GFRAL: variants seen among roughly 807,000 people sequenced by gnomAD.
The protein encoded by GFRAL is GDNF family receptor alpha-like.
GFRAL carries 36 observed loss-of-function variants against 45.4 expected under a neutral mutation model. That is an observed-to-expected ratio of 0.79 (90% CI 0.61 to 1.05). GFRAL has a LOEUF of 1.05. GFRAL is among the 50% of genes least tolerant of loss of function. The pLI is 0.00. For missense variants in GFRAL, 507 were observed against 467.5 expected, an observed-to-expected ratio of 1.08 and a Z score of -0.78; for synonymous variants, 166 against 154.1, an observed-to-expected ratio of 1.08 and a Z score of -0.57.
intron 6 of GFRAL, among the ~76,000 whole-genome samples, chr6:55,367,649 T>C (rs1768383683): frequency 6.6e-6 from 1 of 150,914 alleles, no homozygotes; most frequent in South Asian, 2.1e-4. Flanking sequence ...GGTGACAAAA[T>C]CTCTCAGCAT....
intron 5 of GFRAL, 32 bp from the exon 6 acceptor site, chr6:55,358,844 TAACACTATTCAA>T: frequency 6.3e-7 from 1 of 1,577,954 alleles, no homozygotes; most frequent in Non-Finnish European, 8.7e-7. Flanking sequence ...TAATGTGAAA[TAACACTATTCAA>T]AACTAATTAT....
intron 6 of GFRAL, among the ~76,000 whole-genome samples, chr6:55,377,773 T>C (rs1027958360): frequency 1.2e-4 from 18 of 152,018 alleles, no homozygotes; most frequent in Admixed American, 4.6e-4. Context: ...TATAGATAGA[T>C]ACTGAAAGAT....
chr6:55,378,408 T>C (rs1180819856), intron 6 of GFRAL, among the ~76,000 whole-genome samples: 1 of 152,012 alleles, frequency 6.6e-6, no homozygotes, highest in Non-Finnish European at 1.5e-5. Flanking sequence ...AGGTATCAGT[T>C]GTTGCTGGAA....
intron 6 of GFRAL, among the ~76,000 whole-genome samples, chr6:55,382,023 C>G (rs896404166): frequency 1.3e-5 from 2 of 151,880 alleles, no homozygotes; most frequent in Non-Finnish European, 2.9e-5. Flanking sequence ...ACACAAAACT[C>G]TAATTCAAGT....
intron 7 of GFRAL, 40 bp downstream of exon 7, chr6:55,399,315 T>C: frequency 6.6e-7 from 1 of 1,511,224 alleles, no homozygotes; most frequent in Non-Finnish European, 9.1e-7. Context: ...TTATATTATT[T>C]ATTTCCTCTA....
chr6:55,353,637 C>G (rs2127355904), intron 5 of GFRAL, among the ~76,000 whole-genome samples: 1 of 152,154 alleles, frequency 6.6e-6, no homozygotes, highest in African/African-American at 2.4e-5. Context: ...TTTATCATCT[C>G]AAAAATCCTT....
Position 55,351,595 on chromosome 6 carries a change from C to T in GFRAL, c.701+12C>T, listed in dbSNP as rs1176657039. The T allele has an allele frequency of 6.3e-7, 1 of 1,575,048 alleles. No individual in the cohort carries two copies. Among genetic ancestry groups the T allele is most frequent in the Non-Finnish European group, 8.7e-7 (1 of 1,152,084 alleles). On this transcript the variant is annotated intron_variant, in intron 5 of 8. Coordinates refer to ENST00000340465, the MANE Select transcript of GFRAL (RefSeq NM_207410.2). The stretch of plus-strand genomic sequence containing the variant: ...GATGAATTATGCAGGTGGGTAAAAA[C>T]ACTCATACCTTACTTTCTTATTTCG...
chr6:55,399,421 G>A lies in GFRAL; in HGVS notation c.1101G>A (p.Leu367=), dbSNP rs1436525599. Residue 367 remains leucine, a synonymous_variant, in exon 8 of 9, where the codon CTG becomes CTA. Transcript: ENST00000340465. ...TGACAGTCACCTGTGGAATCCTTCT[G>A]TTGGTTATGGTCAAGCTTAGGTAAC... ...MCMTVTCGIL[L]LVMVKLRTSR... is the part of the protein sequence containing the mutation. The A allele has an allele frequency of 1.9e-6, 3 of 1,608,994 alleles. No individual in the cohort carries two copies. The highest frequency in any genetic ancestry group is 2.2e-5 in the South Asian group (2 of 90,984).
At position 55,369,741 on chromosome 6, in the gene GFRAL, A is replaced by G. The variant is rs555819668; in HGVS notation, c.952+10603A>G. 3.3e-5 allele frequency among the ~76,000 whole-genome samples: 5 copies of G among 152,336 alleles called. 1 individual carries two copies. The Middle Eastern group carries it at 0.017, about 518-fold the overall frequency. Reference sequence around the variant, plus strand: ...TGTTACATTTTAATGAGAAAGTTTCAATATTTTTAATTTGTATTTTTATTA... The same window carrying G: ...TGTTACATTTTAATGAGAAAGTTTCGATATTTTTAATTTGTATTTTTATTA... On this transcript the variant is annotated intron_variant, in intron 6 of 8. Coordinates refer to ENST00000340465, the MANE Select transcript of GFRAL (RefSeq NM_207410.2).
At chr6:55,369,407 G>A (rs531470547) in intron 6 of GFRAL, among the ~76,000 whole-genome samples, 60 of 152,320 alleles carry the variant, frequency 3.9e-4, no homozygotes, top group Non-Finnish European at 7.8e-4. Context: ...CATCTTCTGC[G>A]TCGCTCAGGC....
chr6:55,338,388 C>A (rs912060574), intron 3 of GFRAL, among the ~76,000 whole-genome samples: 2 of 152,084 alleles, frequency 1.3e-5, no homozygotes, highest in Admixed American at 6.5e-5. Flanking sequence ...CCATGCCGAG[C>A]CAGAAGGTTA....
Position 55,346,656 on chromosome 6 carries a change from C to T in GFRAL, c.317-3436C>T, listed in dbSNP as rs530935544. Among the ~76,000 whole-genome samples, 107 of 151,688 alleles carry T rather than the reference C, an allele frequency of 7.1e-4. 2 individuals carry two copies. The South Asian group carries it at 0.02, about 28-fold the overall frequency. ...TGTATACATATGTAACCAACCTGCA[C>T]GTTGTGCACATGTACCCTAGAACTT... On this transcript the variant is annotated intron_variant, in intron 3 of 8. Coordinates refer to ENST00000340465, the MANE Select transcript of GFRAL (RefSeq NM_207410.2).
chr6:55,343,817 T>C (rs1214869726), intron 3 of GFRAL, among the ~76,000 whole-genome samples: 2 of 151,852 alleles, frequency 1.3e-5, no homozygotes, highest in African/African-American at 4.8e-5. Flanking sequence ...AAGAATCAAA[T>C]AGAAGCAATA....
At chr6:55,349,972 T>G (rs1768094423) in intron 3 of GFRAL, 120 bp from the exon 4 acceptor site, 19 of 683,098 alleles carry the variant, frequency 2.8e-5, no homozygotes, top group Non-Finnish European at 4.8e-5. Flanking sequence ...TTACATAACC[T>G]TGTATGTACT....
intron 5 of GFRAL, among the ~76,000 whole-genome samples, chr6:55,355,128 A>G (rs1199337267): frequency 6.6e-6 from 1 of 151,928 alleles, no homozygotes; most frequent in Non-Finnish European, 1.5e-5. Flanking sequence ...CATATTATAT[A>G]CTTCTCTATA....
At chr6:55,368,655 C>T (rs1242949581) in intron 6 of GFRAL, among the ~76,000 whole-genome samples, 1 of 152,118 alleles carries the variant, frequency 6.6e-6, no homozygotes, top group South Asian at 2.1e-4. Flanking sequence ...AGTTTTCCTT[C>T]TAACAGAGAG....
chr6:55,399,761 G>A (rs1040407831), intron 8 of GFRAL, among the ~76,000 whole-genome samples: 3 of 152,012 alleles, frequency 2.0e-5, no homozygotes, highest in Non-Finnish European at 2.9e-5. Flanking sequence ...TGCTGCATTT[G>A]TTATTCAAAT....
At chr6:55,338,576 A>G (rs1029388968) in intron 3 of GFRAL, among the ~76,000 whole-genome samples, 2 of 152,220 alleles carry the variant, frequency 1.3e-5, no homozygotes, top group African/African-American at 4.8e-5. Flanking sequence ...ATAAGGACAC[A>G]CACATACACA....
At chr6:55,364,917 T>C (rs1400556956) in intron 6 of GFRAL, among the ~76,000 whole-genome samples, 2 of 152,130 alleles carry the variant, frequency 1.3e-5, no homozygotes, top group Non-Finnish European at 2.9e-5. Flanking sequence ...GACTTGGTGA[T>C]GCGGGCTCTT....
Sources: gnomAD v4.1 joint callset for allele counts (sites outside exome capture counted in the v4.1 genomes callset) on GRCh38, gnomAD v4.1.1 for gene constraint, MANE v1.5 for transcripts, NCBI Gene and HGNC (gene_info 2026-07-23, HGNC 2026-07-21) for gene names.